TDRD12: variants seen among roughly 807,000 people sequenced by gnomAD.
TDRD12 encodes tudor domain containing 12.
Under a neutral mutation model 133.5 loss-of-function variants are expected in TDRD12, and 158 were observed. The ratio of observed to expected loss-of-function variants is 1.18; its 90% confidence interval spans 1.04 to 1.35. TDRD12 has a LOEUF of 1.35. TDRD12 is among the 40% of genes most tolerant of loss of function. The pLI, the probability that TDRD12 is intolerant of heterozygous loss-of-function variation, is 0.00. For missense variants in TDRD12, 1,443 were observed against 1,321.3 expected (o/e 1.09, Z -1.43); for synonymous variants, 460 against 477.9 (o/e 0.96, Z 0.49).
chr19:32,735,102 A>G (rs948500257), intron 2 of TDRD12, among the ~76,000 whole-genome samples: 1 of 152,220 alleles, frequency 6.6e-6, no homozygotes, highest in African/African-American at 2.4e-5. Context: ...AAGTGAAAGG[A>G]TGAATCACAT....
chr19:32,722,620 T>C (rs12463266), intron 1 of TDRD12, among the ~76,000 whole-genome samples: 88,721 of 151,308 alleles, frequency 0.59, 26,918 homozygotes, highest in East Asian at 0.82. Flanking sequence ...GAAATCTTTG[T>C]CTGACTCACA....
At chr19:32,820,825 G>A (rs1224440988) in intron 27 of TDRD12, among the ~76,000 whole-genome samples, 1 of 152,170 alleles carries the variant, frequency 6.6e-6, no homozygotes, top group Non-Finnish European at 1.5e-5. Flanking sequence ...CTGGTCCCAT[G>A]TCAGTCATGC....
chr19:32,742,870 T>A (rs1205471639), exon 4 of TDRD12: 11 of 1,551,438 alleles, frequency 7.1e-6, no homozygotes, highest in African/African-American at 1.4e-5. Context: ...ACATTACACA[T>A]TGACTTCTGC....
At position 32,729,377 on chromosome 19, in the gene TDRD12, C is replaced by T. The variant is rs539197944; in HGVS notation, c.25-2348C>T. 1.1e-3 allele frequency among the ~76,000 whole-genome samples: 170 copies of T among 151,398 alleles called. 1 individual carries two copies. The highest frequency in any genetic ancestry group is 3.9e-3 in the African/African-American group (161 of 41,222). On this transcript the variant is annotated intron_variant, in intron 1 of 27. Coordinates refer to ENST00000444215, the Ensembl canonical transcript of TDRD12. ...GGACTACGGGTATCTGCCACCACGC[C>T]CAGCTAATTTTTTGTATTTTTAGTA... is the stretch of plus-strand genomic sequence containing the variant.
At chr19:32,790,965 T>G in exon 13 of TDRD12, 1 of 1,535,598 alleles carries the variant, frequency 6.5e-7, no homozygotes, top group Non-Finnish European at 8.7e-7. Context: ...TTCTCTCAGT[T>G]GCAGAAGCTG....
intron 4 of TDRD12, among the ~76,000 whole-genome samples, chr19:32,744,775 C>T (rs1969551399): frequency 6.6e-6 from 1 of 152,006 alleles, no homozygotes; most frequent in African/African-American, 2.4e-5. Context: ...CCCCATCCTC[C>T]CACCCGGTGC....
exon 22 of TDRD12, chr19:32,807,604 A>C (rs1971590574): frequency 6.5e-7 from 1 of 1,535,196 alleles, no homozygotes. Context: ...GGACTTGCCC[A>C]GGAAACTGTC....
At chr19:32,757,108 C>G in exon 8 of TDRD12, 3 of 1,551,760 alleles carry the variant, frequency 1.9e-6, no homozygotes, top group Non-Finnish European at 2.6e-6. Flanking sequence ...TCGGTGACCT[C>G]AGGCCAACAG....
chr19:32,824,977 C>A (rs181958257), downstream of TDRD12, among the ~76,000 whole-genome samples: 3 of 152,182 alleles, frequency 2.0e-5, no homozygotes, highest in African/African-American at 7.2e-5. Flanking sequence ...TGTTCTTGTT[C>A]GCGTTCAGTG....
At chr19:32,756,989 T>G in intron 7 of TDRD12, 49 bp from the exon 8 acceptor site, 2 of 1,472,784 alleles carry the variant, frequency 1.4e-6, no homozygotes, top group Non-Finnish European at 1.9e-6. Flanking sequence ...ACATTTTTAT[T>G]TTGGGCTTTA....
rs138540597 is a variant in TDRD12 at position 32,817,217 on chromosome 19, C to T, written c.3315-872C>T. ...ATTCTCAGTGTTGTGCAACCATCAT[C>T]GCTATCCATCTCCAGAACTTGCTCA... On this transcript the variant is annotated intron_variant, in intron 26 of 27. Transcript: ENST00000444215. Among the ~76,000 whole-genome samples, 9 of 152,328 alleles carry T rather than the reference C, an allele frequency of 5.9e-5. No individual in the cohort carries two copies. The East Asian group carries it at 1.3e-3, about 23-fold the overall frequency.
exon 21 of TDRD12, chr19:32,803,086 A>G (rs1460763313): frequency 1.3e-6 from 2 of 1,535,582 alleles, no homozygotes; most frequent in Non-Finnish European, 1.7e-6. Flanking sequence ...AAGCCAAAGA[A>G]GATAAGAAAG....
intron 18 of TDRD12, 148 bp from the exon 19 acceptor site, chr19:32,801,608 A>G (rs1317545142): frequency 1.3e-5 from 5 of 382,730 alleles, no homozygotes; most frequent in African/African-American, 8.3e-5. Flanking sequence ...TCAGTTTATA[A>G]TCATCTCATT....
At chr19:32,728,632 A>T (rs1968933222) in intron 1 of TDRD12, among the ~76,000 whole-genome samples, 2 of 148,132 alleles carry the variant, frequency 1.4e-5, no homozygotes, top group South Asian at 4.2e-4. Flanking sequence ...CCCCTTGTGA[A>T]ATTTTTCTTT....
chr19:32,729,407 C>T lies in TDRD12; in HGVS notation c.25-2318C>T, dbSNP rs997526495. Among the ~76,000 whole-genome samples, 14 of 151,170 alleles carry T rather than the reference C, an allele frequency of 9.3e-5. No homozygotes were observed. In the East Asian group the frequency reaches 1.8e-3, roughly 19 times the overall value. ...TAATTTTTTGTATTTTTAGTAGAGA[C>T]GGAGTTTCATCGTGTTAGCTAGGAT... is the stretch of plus-strand genomic sequence containing the variant. On this transcript the variant is annotated intron_variant, in intron 1 of 27. Coordinates refer to ENST00000444215, the Ensembl canonical transcript of TDRD12.
At chr19:32,773,334 G>T (rs1970489948) in intron 9 of TDRD12, 122 bp from the exon 10 acceptor site, 3 of 823,054 alleles carry the variant, frequency 3.6e-6, no homozygotes, top group Admixed American at 2.1e-5. Flanking sequence ...CTCTGTGTGT[G>T]CATGAAAGAT....
intron 4 of TDRD12, among the ~76,000 whole-genome samples, chr19:32,747,624 A>C (rs922970482): frequency 2.0e-5 from 3 of 152,146 alleles, no homozygotes; most frequent in Non-Finnish European, 4.4e-5. Flanking sequence ...TTTGCAAAGC[A>C]TAAGAAAGAT....
rs867164863 is a variant in TDRD12 at position 32,729,408 on chromosome 19, G to A, written c.25-2317G>A. Among the ~76,000 whole-genome samples the A allele has an allele frequency of 2.5e-4, 38 of 151,148 alleles. 1 individual carries two copies. The highest frequency in any genetic ancestry group is 2.2e-3 in the Admixed American group (34 of 15,156). On this transcript the variant is annotated intron_variant, in intron 1 of 27. Transcript: ENST00000444215. ...AATTTTTTGTATTTTTAGTAGAGAC[G>A]GAGTTTCATCGTGTTAGCTAGGATG...
chr19:32,814,607 G>T (rs947088569), intron 25 of TDRD12, among the ~76,000 whole-genome samples: 1 of 152,116 alleles, frequency 6.6e-6, no homozygotes, highest in African/African-American at 2.4e-5. Flanking sequence ...TCTTGTTGGG[G>T]GGAGAAAAGC....
Sources: gnomAD v4.1 joint callset for allele counts (sites outside exome capture counted in the v4.1 genomes callset) on GRCh38, gnomAD v4.1.1 for gene constraint, MANE v1.5 for transcripts, NCBI Gene and HGNC (gene_info 2026-07-23, HGNC 2026-07-21) for gene names.